The following MNS1 variants were observed in gnomAD, a reference collection of about 807,000 sequenced individuals.
The protein encoded by MNS1 is meiosis specific nuclear structural 1, also known as meiosis-specific nuclear structural protein 1.
In MNS1, 63 loss-of-function variants were observed where a neutral mutation model predicts 72.0. The ratio of observed to expected loss-of-function variants is 0.87; its 90% confidence interval spans 0.71 to 1.08. The LOEUF (loss-of-function observed/expected upper bound fraction) is 1.08. Ranked by LOEUF, MNS1 falls within the 50% of genes least tolerant of loss-of-function variation. The pLI is 0.00. For missense variants in MNS1, 604 were observed against 562.4 expected (o/e 1.07, Z -0.75); for synonymous variants, 188 against 172.1 (o/e 1.09, Z -0.72).
Position 56,444,638 on chromosome 15 carries a change from T to C in MNS1, c.492A>G (p.Glu164=), listed in dbSNP as rs1216262438. 13 of 1,612,104 alleles carry C rather than the reference T, an allele frequency of 8.1e-6. 1 individual carries two copies. The South Asian group carries it at 1.4e-4, about 18-fold the overall frequency. ...CTTCCTTTATTATTCTCTTGTGTTCTTCCATCATGGTTTTGGCTATTTCAG... is the reference window on the plus strand; with the variant it reads ...CTTCCTTTATTATTCTCTTGTGTTCCTCCATCATGGTTTTGGCTATTTCAG... The part of the protein sequence containing the change: ...RDAEIAKTMM[E]EHKRIIKEEN... The change falls in exon 5 of 10, where the codon GAA becomes GAG. Residue 164 remains glutamate, a synonymous_variant. Coordinates refer to ENST00000260453, the MANE Select transcript of MNS1 (RefSeq NM_018365.4).
Position 56,429,057 on chromosome 15 carries a change from T to C in MNS1, c.*44A>G. On this transcript the variant is annotated 3_prime_UTR_variant, in exon 10 of 10. Coordinates refer to ENST00000260453, the MANE Select transcript of MNS1 (RefSeq NM_018365.4). ...AAACAAAAGTTATGCTGACATCTAG[T>C]GGTAACATGCAAAAAATCTATGCTT... 1 of 1,262,656 alleles carries C rather than the reference T, an allele frequency of 7.9e-7. No homozygotes were observed. Among genetic ancestry groups the C allele is most frequent in the Non-Finnish European group, 1.1e-6 (1 of 889,298 alleles). The allele number at this position is 1,262,656 out of a possible 1,614,324, so 78.2% of individuals were successfully genotyped here.
intron 3 of MNS1, among the ~76,000 whole-genome samples, chr15:56,451,861 A>G (rs571808978): frequency 1.2e-4 from 18 of 152,312 alleles, no homozygotes; most frequent in African/African-American, 3.8e-4. Flanking sequence ...ATACCTAAGC[A>G]TATAAAGATT....
At chr15:56,458,164 A>AT (rs1390708688) in intron 2 of MNS1, among the ~76,000 whole-genome samples, 1 of 152,206 alleles carries the variant, frequency 6.6e-6, no homozygotes, top group African/African-American at 2.4e-5. Context: ...GGTACATGTT[A>AT]TTTTTTAATA....
chr15:56,436,777 C>T (rs531889092), intron 7 of MNS1, among the ~76,000 whole-genome samples: 36 of 152,238 alleles, frequency 2.4e-4, no homozygotes, highest in African/African-American at 8.2e-4. Flanking sequence ...AAGGGGATAT[C>T]ACCACAGATC....
In MNS1 at chr15:56,456,528, GAAAAATTT is replaced by G. The variant is rs2050982832; in HGVS notation, c.226-15_226-8del. On this transcript the variant is annotated splice_polypyrimidine_tract_variant and splice_region_variant and intron_variant, in intron 2 of 9. Transcript: ENST00000260453. ...ATCTCTTGTTTTCTTCTGCCTGAACGAAAAATTTAACTTCGTTGTTTGTCCTCTAGAAT... is the reference window on the plus strand; with the variant it reads ...ATCTCTTGTTTTCTTCTGCCTGAACGAACTTCGTTGTTTGTCCTCTAGAAT... The G allele has an allele frequency of 6.2e-7, 1 of 1,604,280 alleles. No homozygotes were observed. Among genetic ancestry groups the G allele is most frequent in the African/African-American group, 1.3e-5 (1 of 74,120 alleles).
At chr15:56,452,244 G>A (rs1433536218) in intron 3 of MNS1, among the ~76,000 whole-genome samples, 1 of 152,106 alleles carries the variant, frequency 6.6e-6, no homozygotes, top group African/African-American at 2.4e-5. Flanking sequence ...AGCAAAATTG[G>A]CAAAGGAAAA....
intron 7 of MNS1, among the ~76,000 whole-genome samples, chr15:56,441,915 G>A (rs937900786): frequency 6.6e-6 from 1 of 152,054 alleles, no homozygotes; most frequent in Non-Finnish European, 1.5e-5. Flanking sequence ...AGCTACTTGG[G>A]AGGCTGAGGC....
chr15:56,444,350 A>T, intron 5 of MNS1, 94 bp downstream of exon 5: 1 of 1,004,004 alleles, frequency 1.0e-6, no homozygotes, highest in Non-Finnish European at 1.4e-6. Flanking sequence ...ACTATGTATT[A>T]GGCACTGTTC....
chr15:56,464,381 G>C (rs766239131), intron 1 of MNS1, 134 bp from the exon 2 acceptor site: 62 of 648,720 alleles, frequency 9.6e-5, no homozygotes, highest in Non-Finnish European at 1.4e-4. Context: ...GGAGTATACC[G>C]AATAAAAAGT....
Position 56,436,187 on chromosome 15 carries a change from G to A in MNS1, c.1012-1792C>T, listed in dbSNP as rs1484151992. On this transcript the variant is annotated intron_variant, in intron 7 of 9. Coordinates refer to ENST00000260453, the MANE Select transcript of MNS1 (RefSeq NM_018365.4). ...AGCACCACACCGCACTTATTCCAAAGTTGACCACATAGTTGGAAGTAAAGC... is the reference window on the plus strand; with the variant it reads ...AGCACCACACCGCACTTATTCCAAAATTGACCACATAGTTGGAAGTAAAGC... Among the ~76,000 whole-genome samples the A allele has an allele frequency of 5.3e-5, 8 of 152,120 alleles. No homozygotes were observed. The East Asian group carries it at 1.5e-3, about 29-fold the overall frequency.
At position 56,460,009 on chromosome 15, in the gene MNS1, A is replaced by AAAAAAAAAAAATATATATATAT; in HGVS notation, c.226-3489_226-3488insATATATATATATTTTTTTTTTT. Among the ~76,000 whole-genome samples, 16 of 26,388 alleles carry AAAAAAAAAAAATATATATATAT rather than the reference A, an allele frequency of 6.1e-4. 4 individuals carry two copies. The highest frequency in any genetic ancestry group is 4.5e-3 in the South Asian group (3 of 674). 17.3% of individuals were successfully genotyped at this position (26,388 alleles called of 152,430 possible). A position where few individuals can be genotyped will look rare whatever the true frequency, so the allele number is the denominator to read the frequency against. On this transcript the variant is annotated intron_variant, in intron 2 of 9. Transcript: ENST00000260453. ...CTGTCTCAAAAAAAAAAAAAAAAAA[A>AAAAAAAAAAAATATATATATAT]ATACATATATATATATATATATATA...
Position 56,434,404 on chromosome 15 carries a change from T to C in MNS1, c.1012-9A>G, listed in dbSNP as rs1317698689. 2.5e-6 allele frequency: 4 copies of C among 1,602,332 alleles called. No homozygotes were observed. In the Admixed American group the frequency reaches 5.1e-5, roughly 20 times the overall value. On this transcript the variant is annotated splice_polypyrimidine_tract_variant and intron_variant, in intron 7 of 9. Coordinates refer to ENST00000260453, the MANE Select transcript of MNS1 (RefSeq NM_018365.4). ...TTCTTTTCTGCTTCTTCCTAAACAA[T>C]ACAGCTGAAAGTTAATTTAGTAACT...
At chr15:56,446,767 A>G in intron 4 of MNS1, 74 bp downstream of exon 4, 1 of 1,143,564 alleles carries the variant, frequency 8.7e-7, no homozygotes, top group Non-Finnish European at 1.3e-6. Flanking sequence ...ACAATATGAC[A>G]ATTTTTTAAG....
intron 7 of MNS1, among the ~76,000 whole-genome samples, chr15:56,442,533 G>T (rs1245798876): frequency 3.9e-5 from 6 of 152,112 alleles, no homozygotes; most frequent in African/African-American, 9.7e-5. Flanking sequence ...TGTGGTACAT[G>T]TACACCACGG....
chr15:56,446,603 T>C (rs1469493048), intron 4 of MNS1, among the ~76,000 whole-genome samples: 2 of 152,022 alleles, frequency 1.3e-5, no homozygotes, highest in Non-Finnish European at 2.9e-5. Flanking sequence ...CTATAAAGAA[T>C]GCTGGGAGTT....
At position 56,444,459 on chromosome 15, in the gene MNS1, T is replaced by A. The variant is rs750024297; in HGVS notation, c.671A>T (p.Tyr224Phe). Reference sequence around the variant, plus strand: ...ATAAACTTACAACTGATCTTCTTCATAGATCTTCCTAACAATTTCATCAAT... The same window carrying A: ...ATAAACTTACAACTGATCTTCTTCAAAGATCTTCCTAACAATTTCATCAAT... The part of the protein sequence containing the change: ...LMIDEIVRKI[Y>F]EEDQLEKQQK... The change falls in exon 5 of 10, where the codon TAT (tyrosine) becomes TTT (phenylalanine). Residue 224 changes from tyrosine to phenylalanine, a missense_variant. Physicochemically the swap from Tyr to Phe is conservative, Grantham distance 22. Coordinates refer to ENST00000260453, the MANE Select transcript of MNS1 (RefSeq NM_018365.4). The A allele has an allele frequency of 2.7e-5, 44 of 1,606,540 alleles. 1 individual carries two copies. In the South Asian group the frequency reaches 4.7e-4, roughly 17 times the overall value.
At chr15:56,429,808 C>G (rs1198687230) in intron 9 of MNS1, 6 of 152,136 alleles carry the variant, frequency 3.9e-5, no homozygotes, top group African/African-American at 1.4e-4. Context: ...TCATTTGGCA[C>G]CATTAGGACC....
rs2051051212 is a variant in MNS1 at position 56,465,096 on chromosome 15, T to A, written c.-124A>T. 1 of 1,346,984 alleles carries A rather than the reference T, an allele frequency of 7.4e-7. No individual in the cohort carries two copies. Among genetic ancestry groups the A allele is most frequent in the African/African-American group, 1.5e-5 (1 of 67,934 alleles). The allele number at this position is 1,346,984 out of a possible 1,614,324, so 83.4% of individuals were successfully genotyped here. A position where few individuals can be genotyped will look rare whatever the true frequency, so the allele number is the denominator to read the frequency against. ...CGCGCTCGGGTGTTTACGCGGCGTCTTGGCAACGGTGGAGCTGCGCGCCCT... is the reference window on the plus strand; with the variant it reads ...CGCGCTCGGGTGTTTACGCGGCGTCATGGCAACGGTGGAGCTGCGCGCCCT... On this transcript the variant is annotated 5_prime_UTR_variant, in exon 1 of 10. It adds an upstream start codon to the 5' untranslated region. Transcript: ENST00000260453.
intron 9 of MNS1, chr15:56,429,737 A>G (rs1003924912): frequency 6.6e-6 from 1 of 152,220 alleles, no homozygotes; most frequent in African/African-American, 2.4e-5. Flanking sequence ...TCTTTAAAAC[A>G]AAATTAAATA....
Sources: allele counts gnomAD v4.1 joint callset (sites outside exome capture counted in the v4.1 genomes callset), GRCh38; gene constraint gnomAD v4.1.1; transcripts MANE v1.5; gene names NCBI Gene and HGNC (gene_info 2026-07-23, HGNC 2026-07-21).